Variants in TIMM50 observed in about 807,000 individuals in gnomAD.
The protein encoded by TIMM50 is mitochondrial import inner membrane translocase subunit TIM50.
TIMM50 carries 34 observed loss-of-function variants against 49.6 expected under a neutral mutation model. The ratio of observed to expected loss-of-function variants is 0.69; its 90% CI spans 0.52 to 0.91. The LOEUF (loss-of-function observed/expected upper bound fraction) is 0.91. TIMM50 is among the 40% of genes least tolerant of loss of function. The probability of loss-of-function intolerance (pLI) is 0.00; values close to 1 mark genes in which losing one functional copy is unlikely to be tolerated. For missense variants in TIMM50, 458 were observed against 477.8 expected (o/e 0.96, Z 0.39); for synonymous variants, 199 against 198.4 (o/e 1.00, Z -0.03).
intron 10 of TIMM50, among the ~76,000 whole-genome samples, 175 bp downstream of exon 10, chr19:39,488,820 C>T (rs566076111): frequency 6.6e-6 from 1 of 152,294 alleles, no homozygotes; most frequent in Admixed American, 6.5e-5. Context: ...GTAGGGCTGC[C>T]AGAATGAGGG....
intron 1 of TIMM50, 161 bp downstream of exon 1, chr19:39,481,122 C>T (rs368041081): frequency 3.1e-6 from 3 of 977,136 alleles, no homozygotes; most frequent in East Asian, 5.8e-5. Context: ...TGGTTGCTCC[C>T]CTAGGCTGGA....
chr19:39,486,244 C>A lies in TIMM50; in HGVS notation c.550C>A (p.Leu184Ile). ...RPGIETLFQQLAPLYEIVIFT... is the reference protein window; with the variant it reads ...RPGIETLFQQIAPLYEIVIFT... ...AGGCATCGAGACCTTGTTCCAGCAG[C>A]TTGCCCCTTTATATGAAATTGTCAT... Residue 184 changes from leucine to isoleucine, a missense_variant, in exon 7 of 11, where the codon CTT (leucine) becomes ATT (isoleucine). By Grantham distance (5) the Leu-to-Ile change is conservative. Coordinates refer to ENST00000607714, the MANE Select transcript of TIMM50 (RefSeq NM_001001563.5). 1 of 1,614,198 alleles carries A rather than the reference C, an allele frequency of 6.2e-7. No individual in the cohort carries two copies. The highest frequency in any genetic ancestry group is 1.1e-5 in the South Asian group (1 of 91,082).
At chr19:39,482,158 C>A in intron 2 of TIMM50, 125 bp downstream of exon 2, 1 of 1,265,122 alleles carries the variant, frequency 7.9e-7, no homozygotes, top group Non-Finnish European at 1.1e-6. Flanking sequence ...CTCAATAGGG[C>A]AGCCAAATAA....
intron 4 of TIMM50, among the ~76,000 whole-genome samples, chr19:39,484,340 G>C (rs1047022572): frequency 2.0e-5 from 3 of 151,816 alleles, no homozygotes; most frequent in Non-Finnish European, 2.9e-5. Context: ...GAAGTTACAG[G>C]CTGCAGTGAG....
At chr19:39,487,984 GTT>G in intron 8 of TIMM50, 75 bp from the exon 9 acceptor site, 1 of 1,409,016 alleles carries the variant, frequency 7.1e-7, no homozygotes, top group Non-Finnish European at 9.7e-7. Context: ...ATGTATGTAT[GTT>G]TTGTGTGTTT....
chr19:39,482,770 G>T, intron 2 of TIMM50, 115 bp from the exon 3 acceptor site: 2 of 1,417,098 alleles, frequency 1.4e-6, no homozygotes, highest in Non-Finnish European at 2.0e-6. Flanking sequence ...ACTCCAGGAG[G>T]CTGTGCCTCT....
intron 8 of TIMM50, 65 bp downstream of exon 8, chr19:39,486,560 GGC>G: frequency 1.6e-5 from 23 of 1,439,968 alleles, no homozygotes; most frequent in Non-Finnish European, 2.2e-5. Context: ...AGGGAAGGAG[GGC>G]CCAGCTCTGA....
At chr19:39,483,354 G>A in intron 4 of TIMM50, 198 bp downstream of exon 4, 1 of 592,022 alleles carries the variant, frequency 1.7e-6, no homozygotes, top group South Asian at 1.9e-5. Context: ...GCCCCGAGCA[G>A]ATGGTCAGAG....
In TIMM50 at chr19:39,493,406, T is replaced by A. The variant is rs1375142468; in HGVS notation, c.*3586T>A. The A allele has an allele frequency of 6.6e-6, 1 of 152,086 alleles. No homozygotes were observed. The highest frequency in any genetic ancestry group is 1.5e-5 in the Non-Finnish European group (1 of 68,042). The allele number at this position is 152,086 out of a possible 1,614,324, so 9.4% of individuals were successfully genotyped here. A position where few individuals can be genotyped will look rare whatever the true frequency, so the allele number is the denominator to read the frequency against. On this transcript the variant is annotated 3_prime_UTR_variant, in exon 11 of 11. Coordinates refer to ENST00000607714, the MANE Select transcript of TIMM50 (RefSeq NM_001001563.5). ...CTGGGATTACAGGCGTGTGCCACTG[T>A]CAGGCCTCTGAGCCCAAGCCAAGCC... is the stretch of plus-strand genomic sequence containing the variant.
Position 39,480,870 on chromosome 19 carries a change from C to T in TIMM50, c.17C>T (p.Ala6Val), listed in dbSNP as rs1474521387. Reference protein sequence around the residue: MAASAAVFSRLRSGLR... With the variant: MAASAVVFSRLRSGLR... ...CAGCGCAAGATGGCGGCCTCGGCAG[C>T]GGTGTTCTCGCGCTTGCGAAGCGGG... Residue 6 changes from alanine to valine, a missense_variant, in exon 1 of 11, where the codon GCG (alanine) becomes GTG (valine). Coordinates refer to ENST00000607714, the MANE Select transcript of TIMM50 (RefSeq NM_001001563.5). 4.4e-6 allele frequency: 7 copies of T among 1,599,294 alleles called. No individual in the cohort carries two copies. Among genetic ancestry groups the T allele is most frequent in the African/African-American group, 1.3e-5 (1 of 74,744 alleles).
intron 1 of TIMM50, 112 bp from the exon 2 acceptor site, chr19:39,481,771 C>A: frequency 7.4e-7 from 1 of 1,355,782 alleles, no homozygotes; most frequent in Non-Finnish European, 1.0e-6. Flanking sequence ...ATGTCCAGGG[C>A]TCTGTGGGTG....
At chr19:39,484,160 T>C (rs980084059) in intron 4 of TIMM50, among the ~76,000 whole-genome samples, 2 of 152,158 alleles carry the variant, frequency 1.3e-5, no homozygotes, top group African/African-American at 2.4e-5. Flanking sequence ...GCCCAATATA[T>C]TGTGTTTTTT....
intron 4 of TIMM50, 76 bp from the exon 5 acceptor site, chr19:39,485,468 T>G (rs2079498216): frequency 1.3e-6 from 2 of 1,581,052 alleles, no homozygotes; most frequent in East Asian, 2.2e-5. Context: ...ATCTGGTAGA[T>G]AAGAAACCCC....
intron 8 of TIMM50, 81 bp downstream of exon 8, chr19:39,486,576 T>C (rs569107667): frequency 7.9e-7 from 1 of 1,259,918 alleles, no homozygotes; most frequent in South Asian, 1.2e-5. Context: ...GCTCTGACCC[T>C]AGCCTCACCT....
In TIMM50 at chr19:39,480,998, C is replaced by G. The variant is rs187763500; in HGVS notation, c.108+37C>G. 892 of 1,546,210 alleles carry G rather than the reference C, an allele frequency of 5.8e-4. 5 individuals are homozygous for G. In the Admixed American group the frequency reaches 0.01, roughly 17 times the overall value. Reference sequence around the variant, plus strand: ...GAGGGTGGCCCTCTGAATGTGGGGTCCCTTCCCTGGAGTTACGGACATATC... The same window carrying G: ...GAGGGTGGCCCTCTGAATGTGGGGTGCCTTCCCTGGAGTTACGGACATATC... On this transcript the variant is annotated intron_variant, in intron 1 of 10. Transcript: ENST00000607714.
chr19:39,489,610 G>A (rs2079530607), intron 10 of TIMM50, 109 bp from the exon 11 acceptor site: 2 of 1,092,502 alleles, frequency 1.8e-6, no homozygotes, highest in Middle Eastern at 3.0e-4. Flanking sequence ...CTTGGCAGAA[G>A]TCAGAAGGAA....
intron 4 of TIMM50, chr19:39,483,597 A>ACCACC: frequency 6.0e-6 from 1 of 167,734 alleles, no homozygotes; most frequent in Non-Finnish European, 1.3e-5. Flanking sequence ...TGGATAGTAG[A>ACCACC]GAGTAGCTGT....
rs752824491 is a variant in TIMM50, at chr19:39,486,251, C to A, written c.557C>A (p.Pro186His). The change falls in exon 7 of 11, where the codon CCT becomes CAT. Residue 186 changes from proline (P) to histidine (H), a missense_variant. Physicochemically the swap from Pro to His is moderately conservative, Grantham distance 77. Coordinates refer to ENST00000607714, the MANE Select transcript of TIMM50 (RefSeq NM_001001563.5). ...GIETLFQQLAPLYEIVIFTSE... is the reference protein window; with the variant it reads ...GIETLFQQLAHLYEIVIFTSE... ...GAGACCTTGTTCCAGCAGCTTGCCCCTTTATATGAAATTGTCATCTTTACG... is the reference window on the plus strand; with the variant it reads ...GAGACCTTGTTCCAGCAGCTTGCCCATTTATATGAAATTGTCATCTTTACG... 3.1e-6 allele frequency: 5 copies of A among 1,614,152 alleles called. No individual in the cohort carries two copies. The highest frequency in any genetic ancestry group is 4.2e-6 in the Non-Finnish European group (5 of 1,180,036).
chr19:39,491,826 C>CAAAAAAA lies in TIMM50; in HGVS notation c.*2025_*2031dup. On this transcript the variant is annotated 3_prime_UTR_variant, in exon 11 of 11. Coordinates refer to ENST00000607714, the MANE Select transcript of TIMM50 (RefSeq NM_001001563.5). Reference sequence around the variant, plus strand: ...TGGGCAACAGAGCGAGACCCTGTCTCAAAAAAAAAAAAAAAAAAAAAAAAA... The same window carrying CAAAAAAA: ...TGGGCAACAGAGCGAGACCCTGTCTCAAAAAAAAAAAAAAAAAAAAAAAAAAAAAAAA... 1 of 64,058 alleles carries CAAAAAAA rather than the reference C, an allele frequency of 1.6e-5. No homozygotes were observed. The highest frequency in any genetic ancestry group is 2.8e-5 in the Non-Finnish European group (1 of 36,126). The allele number at this position is 64,058 out of a possible 1,614,324, so 4.0% of individuals were successfully genotyped here. A position where few individuals can be genotyped will look rare whatever the true frequency, so the allele number is the denominator to read the frequency against.
Sources: allele counts gnomAD v4.1 joint callset (sites outside exome capture counted in the v4.1 genomes callset), GRCh38; gene constraint gnomAD v4.1.1; transcripts MANE v1.5; gene names NCBI Gene and HGNC (gene_info 2026-07-23, HGNC 2026-07-21).